DDB1: variants seen among roughly 807,000 people sequenced by gnomAD.
DDB1 encodes DNA damage-binding protein 1.
A neutral mutation model predicts 133.1 loss-of-function variants in DDB1; 18 were observed. The observed-to-expected ratio is 0.14, with a 90% confidence interval of 0.09 to 0.20. The LOEUF (loss-of-function observed/expected upper bound fraction) is 0.20, where lower values mean the gene tolerates loss of function less well. DDB1 is among the 10% of genes least tolerant of loss of function. DDB1 has a pLI of 1.00. For synonymous variants in DDB1, 580 were observed against 550.5 expected (o/e 1.05, Z -0.75); for missense variants, 828 against 1,459.2 (o/e 0.57, Z 7.05).
At chr11:61,331,165 A>G (rs1856359343) in intron 2 of DDB1, among the ~76,000 whole-genome samples, 1 of 152,182 alleles carries the variant, frequency 6.6e-6, no homozygotes, top group African/African-American at 2.4e-5. Flanking sequence ...CCTTCTAAAG[A>G]AGTCAACTTC....
chr11:61,314,507 CAA>C (rs1856033427), intron 12 of DDB1, 21 bp from the exon 13 acceptor site: 2 of 1,594,108 alleles, frequency 1.3e-6, no homozygotes, highest in Admixed American at 1.7e-5. Context: ...AGCAGATGAA[CAA>C]ATGTCTCCAA....
At position 61,314,302 on chromosome 11, in the gene DDB1, AC is replaced by A; in HGVS notation, c.1589+5del. The A allele has an allele frequency of 6.2e-7, 1 of 1,605,932 alleles. No homozygotes were observed. The highest frequency in any genetic ancestry group is 1.1e-5 in the South Asian group (1 of 90,006). ...GGAAAGCGAGCAGACAGAAAAACACACACACCTGATCTGCCGGAGCTCCTGA... is the reference window on the plus strand; with the variant it reads ...GGAAAGCGAGCAGACAGAAAAACACAACACCTGATCTGCCGGAGCTCCTGA... On this transcript the variant is annotated splice_donor_5th_base_variant and intron_variant, in intron 13 of 26. Transcript: ENST00000301764.
Position 61,313,558 on chromosome 11 carries a change from A to C in DDB1, c.2010T>G (p.Asn670Lys). Residue 670 changes from asparagine (N) to lysine (K), a missense_variant, in exon 16 of 27, where the codon AAT (asparagine) becomes AAG (lysine). This residue lies in a region of DDB1 where 396 missense variants were observed against 554.1 expected (regional missense o/e 0.71). Transcript: ENST00000301764. ...YSSNHKLVFS[N>K]VNLKEVNYMC... is the part of the protein sequence containing the mutation. ...TGTAGTTCACTTCCTTGAGGTTGAC[A>C]TTTGAGAAGACCAATTTGTGGTTGC... 1 of 1,614,192 alleles carries C rather than the reference A, an allele frequency of 6.2e-7. No individual in the cohort carries two copies.
At chr11:61,309,728 C>G in intron 20 of DDB1, 68 bp downstream of exon 20, 1 of 1,551,000 alleles carries the variant, frequency 6.4e-7, no homozygotes, top group Non-Finnish European at 8.8e-7. Context: ...TCTCTGAAAC[C>G]TCACAATGGC....
At position 61,326,769 on chromosome 11, in the gene DDB1, C is replaced by T. The variant is rs1158442681; in HGVS notation, c.664+10G>A. 6.2e-7 allele frequency: 1 copy of T among 1,612,508 alleles called. No individual in the cohort carries two copies. The highest frequency in any genetic ancestry group is 1.1e-5 in the South Asian group (1 of 91,024). On this transcript the variant is annotated intron_variant, in intron 5 of 26. Coordinates refer to ENST00000301764, the MANE Select transcript of DDB1 (RefSeq NM_001923.5). ...CAGGTGGAGGCACATTTCCTAAACCCCCTACCAACCTGCGATCACCATGGA... is the reference window on the plus strand; with the variant it reads ...CAGGTGGAGGCACATTTCCTAAACCTCCTACCAACCTGCGATCACCATGGA...
At chr11:61,322,165 T>G (rs965356992) in intron 9 of DDB1, 131 bp downstream of exon 9, 1 of 753,542 alleles carries the variant, frequency 1.3e-6, no homozygotes, top group African/African-American at 1.7e-5. Flanking sequence ...GTTATCCTTA[T>G]ATCACTGGGA....
chr11:61,328,833 G>A (rs532042777), intron 4 of DDB1, among the ~76,000 whole-genome samples: 2 of 152,116 alleles, frequency 1.3e-5, no homozygotes, highest in South Asian at 4.2e-4. Flanking sequence ...TCAGGCCATC[G>A]CACTCCGGCC....
chr11:61,319,769 T>G (rs1050508139), intron 10 of DDB1, among the ~76,000 whole-genome samples: 3 of 152,202 alleles, frequency 2.0e-5, no homozygotes, highest in Non-Finnish European at 4.4e-5. Flanking sequence ...TTATGCCTGC[T>G]TCTTCCTTTT....
At position 61,314,403 on chromosome 11, in the gene DDB1, G is replaced by C; in HGVS notation, c.1494C>G (p.Ile498Met). 6.2e-7 allele frequency: 1 copy of C among 1,614,270 alleles called. No individual in the cohort carries two copies. The highest frequency in any genetic ancestry group is 8.5e-7 in the Non-Finnish European group (1 of 1,180,044). ...GGCTGCTATTGCAGGAGGCCACACT[G>C]ATGTTCTTGGCCTGAGGCTCCTTCC... Reference protein sequence around the residue: ...SEWKEPQAKNISVASCNSSQV... With the variant: ...SEWKEPQAKNMSVASCNSSQV... The change falls in exon 13 of 27, where the codon ATC becomes ATG. Residue 498 changes from isoleucine (I) to methionine (M), a missense_variant. By Grantham distance (10) the Ile-to-Met change is conservative. Around this residue, in one of 7 missense-constraint regions of DDB1, gnomAD observed 396 missense variants for 554.1 expected, o/e 0.71. Coordinates refer to ENST00000301764, the MANE Select transcript of DDB1 (RefSeq NM_001923.5).
chr11:61,302,921 C>G (rs940371582), intron 23 of DDB1, 125 bp downstream of exon 23: 3 of 1,272,466 alleles, frequency 2.4e-6, no homozygotes, highest in African/African-American at 3.0e-5. Context: ...TATTCTCTGA[C>G]GAGGAAAGTT....
intron 8 of DDB1, 59 bp downstream of exon 8, chr11:61,322,952 A>G: frequency 1.4e-6 from 2 of 1,409,074 alleles, no homozygotes; most frequent in Non-Finnish European, 2.0e-6. Flanking sequence ...CATAGGAGAA[A>G]TTTGATGAAG....
intron 6 of DDB1, among the ~76,000 whole-genome samples, chr11:61,325,345 C>G (rs965069218): frequency 6.6e-6 from 1 of 152,108 alleles, no homozygotes; most frequent in Admixed American, 6.6e-5. Flanking sequence ...GACCCTGTCT[C>G]TTTGACAAAA....
chr11:61,314,503 T>C lies in DDB1; in HGVS notation c.1411-17A>G. On this transcript the variant is annotated splice_polypyrimidine_tract_variant and intron_variant, in intron 12 of 26. Coordinates refer to ENST00000301764, the MANE Select transcript of DDB1 (RefSeq NM_001923.5). ...TGAAGTGATCTAGATAAACAGCAGATGAACAAATGTCTCCAAGCATCTGCC... is the reference window on the plus strand; with the variant it reads ...TGAAGTGATCTAGATAAACAGCAGACGAACAAATGTCTCCAAGCATCTGCC... 6.3e-7 allele frequency: 1 copy of C among 1,598,088 alleles called. No homozygotes were observed. Among genetic ancestry groups the C allele is most frequent in the Non-Finnish European group, 8.5e-7 (1 of 1,172,078 alleles).
In DDB1 at chr11:61,300,297, G is replaced by A. The variant is rs1436957048; in HGVS notation, c.3340-78C>T. ...AGGTGGGGAAGGGAATGCCCCCAGT[G>A]AAGGAGGCACAAGACTCCACCATTG... is the stretch of plus-strand genomic sequence containing the variant. On this transcript the variant is annotated intron_variant, in intron 26 of 26. Coordinates refer to ENST00000301764, the MANE Select transcript of DDB1 (RefSeq NM_001923.5). 9 of 1,408,198 alleles carry A rather than the reference G, an allele frequency of 6.4e-6. No individual in the cohort carries two copies. In the East Asian group the frequency reaches 2.1e-4, roughly 33 times the overall value. The allele number at this position is 1,408,198 out of a possible 1,614,324, so 87.2% of individuals were successfully genotyped here. A position where few individuals can be genotyped will look rare whatever the true frequency, so the allele number is the denominator to read the frequency against.
At chr11:61,324,244 A>G in intron 6 of DDB1, 107 bp from the exon 7 acceptor site, 1 of 1,211,240 alleles carries the variant, frequency 8.3e-7, no homozygotes, top group Non-Finnish European at 1.2e-6. Context: ...TTACCAGCAG[A>G]CAAATCGCTC....
chr11:61,306,611 C>T (rs1258557399), intron 21 of DDB1, among the ~76,000 whole-genome samples: 1 of 152,208 alleles, frequency 6.6e-6, no homozygotes, highest in Non-Finnish European at 1.5e-5. Context: ...TTATGACCAC[C>T]TCTTAAAGCC....
At chr11:61,300,483 G>A (rs1565237510) in intron 26 of DDB1, among the ~76,000 whole-genome samples, 1 of 152,118 alleles carries the variant, frequency 6.6e-6, no homozygotes, top group Non-Finnish European at 1.5e-5. Flanking sequence ...CTCCAGAATT[G>A]TGGCCATTTC....
chr11:61,304,855 G>A (rs1174419531), intron 21 of DDB1, among the ~76,000 whole-genome samples: 2 of 151,236 alleles, frequency 1.3e-5, no homozygotes, highest in African/African-American at 4.9e-5. Context: ...TCCAGCCTGG[G>A]GGACAGAGTG....
rs12366019 is a variant in DDB1 at position 61,321,836 on chromosome 11, G to A, written c.1123-139C>T. 9.6e-6 allele frequency: 7 copies of A among 726,260 alleles called. No homozygotes were observed. The African/African-American group carries it at 1.2e-4, about 13-fold the overall frequency. The allele number at this position is 726,260 out of a possible 1,614,324, so 45.0% of individuals were successfully genotyped here. On this transcript the variant is annotated intron_variant, in intron 9 of 26. Coordinates refer to ENST00000301764, the MANE Select transcript of DDB1 (RefSeq NM_001923.5). ...TAGGTTTGAGGATGCAGACTTGGCA[G>A]AGGTTGATTTCCAAAGTCTTTCAAA...
Sources: allele counts gnomAD v4.1 joint callset (sites outside exome capture counted in the v4.1 genomes callset), GRCh38; gene constraint gnomAD v4.1.1; regional missense constraint gnomAD v4.1.1; transcripts MANE v1.5; gene names NCBI Gene and HGNC (gene_info 2026-07-23, HGNC 2026-07-21).